UGT1A4: variants seen among roughly 807,000 people sequenced by gnomAD.
The protein encoded by UGT1A4 is UDP-glucuronosyltransferase 1A4.
A neutral mutation model predicts 41.1 loss-of-function variants in UGT1A4; 32 were observed. The ratio of observed to expected loss-of-function variants is 0.78; its 90% confidence interval spans 0.59 to 1.05. The LOEUF (loss-of-function observed/expected upper bound fraction) is 1.05. Among genes scored for constraint, UGT1A4 ranks in the 50% least tolerant of loss-of-function variants. UGT1A4 has a pLI of 0.00. For synonymous variants in UGT1A4, 283 were observed against 265.1 expected, an observed-to-expected ratio of 1.07 and a Z score of -0.66; for missense variants, 748 against 677.4, an observed-to-expected ratio of 1.10 and a Z score of -1.16.
intron 1 of UGT1A4, chr2:233,747,193 C>T (rs1693585956): frequency 1.9e-6 from 3 of 1,603,982 alleles, no homozygotes; most frequent in Non-Finnish European, 2.6e-6. Flanking sequence ...GGACAGTCAG[C>T]TGTCCGTGTC....
At position 233,767,068 on chromosome 2, in the gene UGT1A4, A is replaced by G. The variant is rs1055696021; in HGVS notation, c.902A>G (p.His301Arg). 45 of 1,614,026 alleles carry G rather than the reference A, an allele frequency of 2.8e-5. No individual in the cohort carries two copies. Among genetic ancestry groups the G allele is most frequent in the Non-Finnish European group, 3.6e-5 (43 of 1,180,024 alleles). The change falls in exon 2 of 5, where the codon CAT becomes CGT. Residue 301 changes from histidine to arginine, a missense_variant. Physicochemically the swap from His to Arg is conservative, Grantham distance 29. Coordinates refer to ENST00000373409, the MANE Select transcript of UGT1A4 (RefSeq NM_007120.3). ...GCCTACATTAATGCTTCTGGAGAAC[A>G]TGGAATTGTGGTTTTCTCTTTGGGA... Reference protein sequence around the residue: ...FEAYINASGEHGIVVFSLGSM... With the variant: ...FEAYINASGERGIVVFSLGSM...
intron 1 of UGT1A4, among the ~76,000 whole-genome samples, chr2:233,724,089 A>G (rs1195577143): frequency 1.0e-5 from 1 of 98,852 alleles, no homozygotes; most frequent in Non-Finnish European, 1.9e-5. Flanking sequence ...GGGGCTCCTC[A>G]CTTCCCAGTA....
rs1226545500 is a variant in UGT1A4 at position 233,773,111 on chromosome 2, T to C, written c.*552T>C. On this transcript the variant is annotated 3_prime_UTR_variant, in exon 5 of 5. Transcript: ENST00000373409. ...GCACTGAGAACAGCATATGATTTCT[T>C]GCTTTGGGGAAAAAGAATGATGCTA... The C allele has an allele frequency of 6.4e-6, 1 of 155,166 alleles. No individual in the cohort carries two copies. Among genetic ancestry groups the C allele is most frequent in the Non-Finnish European group, 1.4e-5 (1 of 69,776 alleles). 9.6% of individuals were successfully genotyped at this position (155,166 alleles called of 1,614,324 possible).
intron 1 of UGT1A4, chr2:233,729,134 C>G (rs143371539): frequency 2.7e-5 from 44 of 1,613,172 alleles, no homozygotes; most frequent in Middle Eastern, 1.8e-4. Flanking sequence ...GAGATGGCCA[C>G]AGGACTCCAG....
At chr2:233,761,229 T>C in intron 1 of UGT1A4, 2 of 1,613,382 alleles carry the variant, frequency 1.2e-6, no homozygotes, top group Non-Finnish European at 1.7e-6. Flanking sequence ...TAGCCCCAGA[T>C]ATATGCTGAG....
chr2:233,746,487 A>G (rs758052145), intron 1 of UGT1A4, among the ~76,000 whole-genome samples: 10 of 151,792 alleles, frequency 6.6e-5, no homozygotes, highest in Middle Eastern at 3.2e-3. Context: ...TTCCATGGAC[A>G]TGTCACTCTT....
intron 1 of UGT1A4, among the ~76,000 whole-genome samples, chr2:233,725,765 A>G (rs547066557): frequency 6.7e-4 from 102 of 152,264 alleles, no homozygotes; most frequent in African/African-American, 2.2e-3. Flanking sequence ...CATTTTCTTC[A>G]CATAGTTTGT....
At chr2:233,762,867 G>T (rs1181874118) in intron 1 of UGT1A4, among the ~76,000 whole-genome samples, 2 of 151,628 alleles carry the variant, frequency 1.3e-5, no homozygotes, top group African/African-American at 2.4e-5. Flanking sequence ...AAGAAATTTT[G>T]GTTTCTTCTC....
Position 233,731,393 on chromosome 2 carries a change from G to A in UGT1A4, c.867+11706G>A, listed in dbSNP as rs558248956. Among the ~76,000 whole-genome samples the A allele has an allele frequency of 1.5e-3, 233 of 151,488 alleles. 2 individuals are homozygous for A. Among genetic ancestry groups the A allele is most frequent in the African/African-American group, 5.3e-3 (218 of 41,268 alleles). On this transcript the variant is annotated intron_variant, in intron 1 of 4. Coordinates refer to ENST00000373409, the MANE Select transcript of UGT1A4 (RefSeq NM_007120.3). ...GTTGGTTTCCTGCACCCACCAACTC[G>A]TCATTTACATTAGGTATTTTTCCTA...
chr2:233,750,239 C>T (rs1187783492), intron 1 of UGT1A4, among the ~76,000 whole-genome samples: 2 of 151,854 alleles, frequency 1.3e-5, no homozygotes, highest in African/African-American at 2.4e-5. Context: ...TTATTGGGAA[C>T]TGGAACAAAG....
chr2:233,760,700 C>T, intron 1 of UGT1A4: 4 of 1,614,194 alleles, frequency 2.5e-6, no homozygotes, highest in Non-Finnish European at 3.4e-6. Context: ...GAGCTCATGG[C>T]CTCCCTGGCA....
At chr2:233,744,063 A>G (rs181200285) in intron 1 of UGT1A4, 66 of 569,246 alleles carry the variant, frequency 1.2e-4, no homozygotes, top group East Asian at 7.6e-4. Flanking sequence ...GTCGAGGCCT[A>G]TGAGCGCCTC....
chr2:233,721,879 C>G, intron 1 of UGT1A4: 1 of 493,898 alleles, frequency 2.0e-6, no homozygotes, highest in South Asian at 1.5e-5. Context: ...ACTTGCCAGC[C>G]CCTCCATTGC....
At chr2:233,731,204 C>T (rs755932690) in intron 1 of UGT1A4, among the ~76,000 whole-genome samples, 4 of 151,184 alleles carry the variant, frequency 2.6e-5, no homozygotes, top group Admixed American at 6.6e-5. Context: ...TTATAAAATA[C>T]GTGTTTATTT....
chr2:233,756,388 A>G (rs1696196627), intron 1 of UGT1A4: 1 of 152,140 alleles, frequency 6.6e-6, no homozygotes, highest in Admixed American at 6.5e-5. Flanking sequence ...TAGTTGTTTT[A>G]CAGTATTGGT....
At chr2:233,729,770 T>C in intron 1 of UGT1A4, 1 of 1,613,988 alleles carries the variant, frequency 6.2e-7, no homozygotes, top group South Asian at 1.1e-5. Flanking sequence ...AAGAACATGC[T>C]CTACCCTCTG....
intron 1 of UGT1A4, among the ~76,000 whole-genome samples, chr2:233,746,336 A>G (rs1235397882): frequency 1.3e-5 from 2 of 151,736 alleles, no homozygotes; most frequent in Non-Finnish European, 2.9e-5. Context: ...AGGGCAATGG[A>G]CATGTTTATG....
chr2:233,757,535 A>AATATATATACATATACATAT (rs376887521), intron 1 of UGT1A4, among the ~76,000 whole-genome samples: 89 of 88,230 alleles, frequency 1.0e-3, no homozygotes, highest in African/African-American at 2.6e-3. Context: ...GCCTGTAAGG[A>AATATATATACATATACATAT]ATATATATAT....
At chr2:233,768,516 G>A (rs188739654) in intron 4 of UGT1A4, 77 bp downstream of exon 4, 153 of 1,549,320 alleles carry the variant, frequency 9.9e-5, no homozygotes, top group Non-Finnish European at 1.2e-4. Context: ...AAACATTTAC[G>A]TAGCATTTAA....
Sources: allele counts gnomAD v4.1 joint callset (sites outside exome capture counted in the v4.1 genomes callset), GRCh38; gene constraint gnomAD v4.1.1; transcripts MANE v1.5; gene names NCBI Gene and HGNC (gene_info 2026-07-23, HGNC 2026-07-21).